SPEN: variants seen among roughly 807,000 people sequenced by gnomAD.
SPEN encodes msx2-interacting protein.
SPEN carries 18 observed loss-of-function variants against 269.9 expected under a neutral mutation model. That is an observed-to-expected ratio of 0.07 (90% CI 0.05 to 0.10). SPEN has a LOEUF of 0.10. Ranked by LOEUF, SPEN falls within the 10% of genes least tolerant of loss-of-function variation. The pLI is 1.00. For synonymous variants in SPEN, 1,726 were observed against 1,765.7 expected, an observed-to-expected ratio of 0.98 and a Z score of 0.56; for missense variants, 3,822 against 4,631.2, an observed-to-expected ratio of 0.83 and a Z score of 5.07.
Position 15,919,428 on chromosome 1 carries a change from A to G in SPEN, c.1546A>G (p.Thr516Ala). The stretch of plus-strand genomic sequence containing the variant: ...GCTGGGTTTTGGAAAGAGCATGCCT[A>G]CAAACTGCGTGTGGCTAGATGGGCT... ...LKLGFGKSMP[T>A]NCVWLDGLSS... Residue 516 changes from threonine to alanine, a missense_variant, in exon 8 of 15, where the codon ACA becomes GCA. Physicochemically the swap from Thr to Ala is moderately conservative, Grantham distance 58. Transcript: ENST00000375759. 1 of 1,604,086 alleles carries G rather than the reference A, an allele frequency of 6.2e-7. No individual in the cohort carries two copies. The highest frequency in any genetic ancestry group is 8.5e-7 in the Non-Finnish European group (1 of 1,178,236).
At chr1:15,849,770 C>T (rs529539244) in intron 1 of SPEN, among the ~76,000 whole-genome samples, 2 of 152,176 alleles carry the variant, frequency 1.3e-5, no homozygotes, top group African/African-American at 4.8e-5. Flanking sequence ...CCTCGAGTAT[C>T]GTCAGTGTTT....
Position 15,929,592 on chromosome 1 carries a change from G to A in SPEN, c.3352G>A (p.Val1118Ile), listed in dbSNP as rs748737700. 1 of 1,614,090 alleles carries A rather than the reference G, an allele frequency of 6.2e-7. No homozygotes were observed. Among genetic ancestry groups the A allele is most frequent in the South Asian group, 1.1e-5 (1 of 91,086 alleles). Residue 1118 changes from valine (V) to isoleucine (I), a missense_variant, in exon 11 of 15, where the codon GTA (valine) becomes ATA (isoleucine). Val to Ile is a conservative substitution (Grantham distance 29, BLOSUM62 3). This residue lies in a region of SPEN where 572 missense variants were observed against 582.6 expected (regional missense o/e 0.98). Coordinates refer to ENST00000375759, the MANE Select transcript of SPEN (RefSeq NM_015001.3). The surrounding 1 kb of genome is among the most constrained non-coding windows in gnomAD (Gnocchi z 5.8). ...PSKPQLKQLQ[V>I]LDDQGPERED... ...AAAACCACAGCTCAAACAGCTGCAG[G>A]TATTAGATGATCAAGGACCAGAGAG... is the stretch of plus-strand genomic sequence containing the variant.
At position 15,899,113 on chromosome 1, in the gene SPEN, C is replaced by G. The variant is rs561245841; in HGVS notation, c.882-10208C>G. ...GGAACCCCATGGCTGTACCATTTTACTTTCCCGTCAGTAATGCACAAGGGT... is the reference window on the plus strand; with the variant it reads ...GGAACCCCATGGCTGTACCATTTTAGTTTCCCGTCAGTAATGCACAAGGGT... On this transcript the variant is annotated intron_variant, in intron 3 of 14. Transcript: ENST00000375759. Among the ~76,000 whole-genome samples, 146 of 152,266 alleles carry G rather than the reference C, an allele frequency of 9.6e-4. 1 individual carries two copies. The highest frequency in any genetic ancestry group is 3.3e-3 in the African/African-American group (138 of 41,558).
chr1:15,914,421 T>C (rs1291300201), intron 5 of SPEN, among the ~76,000 whole-genome samples: 1 of 152,192 alleles, frequency 6.6e-6, no homozygotes, highest in Non-Finnish European at 1.5e-5. Flanking sequence ...TAGTTTCCTA[T>C]AATTGTTATC....
chr1:15,915,603 C>G (rs1222435017), intron 5 of SPEN, among the ~76,000 whole-genome samples: 1 of 152,188 alleles, frequency 6.6e-6, no homozygotes, highest in Non-Finnish European at 1.5e-5. Flanking sequence ...GGCGTGATCA[C>G]AGTTCACTGC....
rs751501193 is a variant in SPEN at position 15,932,482 on chromosome 1, G to A, written c.6242G>A (p.Arg2081Gln). Residue 2081 changes from arginine to glutamine, a missense_variant, in exon 11 of 15, where the codon CGA (arginine) becomes CAA (glutamine). Physicochemically the swap from Arg to Gln is conservative, Grantham distance 43. Coordinates refer to ENST00000375759, the MANE Select transcript of SPEN (RefSeq NM_015001.3). The surrounding 1 kb of genome is among the most constrained non-coding windows in gnomAD (Gnocchi z 4.2). ...TCCAAATCAAAGAGAGGAAGATCTC[G>A]AAACTCCAGGTTAGCAGTGGACAAA... ...KNSKSKRGRS[R>Q]NSRLAVDKSA... The A allele has an allele frequency of 7.4e-6, 12 of 1,611,178 alleles. No individual in the cohort carries two copies. In the Admixed American group the frequency reaches 1.2e-4, roughly 16 times the overall value.
At chr1:15,914,942 T>C (rs1173039289) in intron 5 of SPEN, among the ~76,000 whole-genome samples, 3 of 152,236 alleles carry the variant, frequency 2.0e-5, no homozygotes, top group African/African-American at 7.2e-5. Context: ...ATAGTTACTC[T>C]TATATCTAAA....
intron 3 of SPEN, among the ~76,000 whole-genome samples, chr1:15,900,919 G>T (rs1400983150): frequency 6.6e-6 from 1 of 151,956 alleles, no homozygotes; most frequent in Non-Finnish European, 1.5e-5. Context: ...GTAGAACCCT[G>T]CTAAAACTAG....
At chr1:15,858,215 A>G (rs2070406468) in intron 1 of SPEN, among the ~76,000 whole-genome samples, 1 of 151,558 alleles carries the variant, frequency 6.6e-6, no homozygotes, top group African/African-American at 2.4e-5. Context: ...TGTCCTACCA[A>G]AGTGCTGGGA....
intron 3 of SPEN, among the ~76,000 whole-genome samples, chr1:15,904,477 A>AAAAAT (rs1557750214): frequency 2.2e-5 from 3 of 137,948 alleles, no homozygotes; most frequent in African/African-American, 7.9e-5. Flanking sequence ...AAAAAAAAAA[A>AAAAAT]GTGAACTAAA....
intron 2 of SPEN, among the ~76,000 whole-genome samples, chr1:15,874,973 A>C (rs1224184769): frequency 6.6e-6 from 1 of 152,126 alleles, no homozygotes; most frequent in African/African-American, 2.4e-5. Context: ...TCTGGTATTA[A>C]TTGTTATAAG....
intron 1 of SPEN, among the ~76,000 whole-genome samples, chr1:15,870,941 C>G (rs2148709851): frequency 6.6e-6 from 1 of 152,266 alleles, no homozygotes. Context: ...GGCTAGGGAT[C>G]TATGTTTTGT....
chr1:15,863,771 G>T (rs369787884), intron 1 of SPEN, among the ~76,000 whole-genome samples: 3 of 152,092 alleles, frequency 2.0e-5, no homozygotes, highest in South Asian at 2.1e-4. Context: ...AGCCTGGGAG[G>T]TTGAGGCTGC....
chr1:15,880,976 C>T (rs546549569), intron 3 of SPEN, among the ~76,000 whole-genome samples: 2 of 152,154 alleles, frequency 1.3e-5, no homozygotes, highest in East Asian at 3.9e-4. Flanking sequence ...AATGATTTAA[C>T]TGTGGTAATG....
rs1257142852 is a variant in SPEN at position 15,891,384 on chromosome 1, C to T, written c.881+14706C>T. ...TTTTTTTTTTTGAGATGGAGTCTGG[C>T]TCTGTCGCCCAGGCTGGAGTGTAAT... On this transcript the variant is annotated intron_variant, in intron 3 of 14. Coordinates refer to ENST00000375759, the MANE Select transcript of SPEN (RefSeq NM_015001.3). Among the ~76,000 whole-genome samples the T allele has an allele frequency of 1.3e-5, 2 of 149,586 alleles. 1 individual carries two copies. The highest frequency in any genetic ancestry group is 4.2e-4 in the South Asian group (2 of 4,716).
At chr1:15,920,732 C>CA (rs1570048712) in intron 8 of SPEN, 138 bp from the exon 9 acceptor site, 2 of 352,996 alleles carry the variant, frequency 5.7e-6, no homozygotes, top group East Asian at 8.8e-5. Flanking sequence ...GTGCATCACA[C>CA]TTTTTTTTTT....
chr1:15,866,575 G>A (rs1021189500), intron 1 of SPEN, among the ~76,000 whole-genome samples: 1 of 151,944 alleles, frequency 6.6e-6, no homozygotes, highest in Non-Finnish European at 1.5e-5. Flanking sequence ...GGATAGTCTC[G>A]ATCTACTGAC....
rs1377722114 is a variant in SPEN at position 15,933,826 on chromosome 1, C to A, written c.7586C>A (p.Thr2529Asn). The A allele has an allele frequency of 3.7e-6, 6 of 1,613,206 alleles. No individual in the cohort carries two copies. The Admixed American group carries it at 5.0e-5, about 13-fold the overall frequency. ...PPDTKASDVD[T>N]SSSTLRKILM... ...GACACAAAGGCCTCTGATGTTGACA[C>A]CAGCTCCAGCACCCTGAGGAAGATT... Residue 2529 changes from threonine (T) to asparagine (N), a missense_variant, in exon 11 of 15, where the codon ACC (threonine) becomes AAC (asparagine). Physicochemically the swap from Thr to Asn is moderately conservative, Grantham distance 65. Transcript: ENST00000375759. This position sits in a 1 kb window ranked among gnomAD's most constrained non-coding sequence, Gnocchi z 5.7.
At chr1:15,863,059 C>T (rs1464508276) in intron 1 of SPEN, among the ~76,000 whole-genome samples, 1 of 152,014 alleles carries the variant, frequency 6.6e-6, no homozygotes, top group Non-Finnish European at 1.5e-5. Context: ...CCGCTCCCGG[C>T]CGAATCCCAG....
Sources: allele counts gnomAD v4.1 joint callset (sites outside exome capture counted in the v4.1 genomes callset), GRCh38; gene constraint gnomAD v4.1.1; regional missense constraint gnomAD v4.1.1; non-coding constraint Gnocchi (gnomAD v3.1); transcripts MANE v1.5; gene names NCBI Gene and HGNC (gene_info 2026-07-23, HGNC 2026-07-21).